Variants in TMEM132B observed in about 807,000 individuals in gnomAD.
The protein encoded by TMEM132B is transmembrane protein 132B.
Under a neutral mutation model 90.8 loss-of-function variants are expected in TMEM132B, and 18 were observed. The ratio of observed to expected loss-of-function variants is 0.20; its 90% CI spans 0.14 to 0.29. The LOEUF (loss-of-function observed/expected upper bound fraction) is 0.29, where lower values mean the gene tolerates loss of function less well. Ranked by LOEUF, TMEM132B falls within the 10% of genes least tolerant of loss-of-function variation. TMEM132B has a pLI of 1.00. For missense variants in TMEM132B, 1,096 were observed against 1,326.8 expected (o/e 0.83, Z 2.70); for synonymous variants, 504 against 523.3 (o/e 0.96, Z 0.50).
intron 3 of TMEM132B, among the ~76,000 whole-genome samples, chr12:125,505,012 T>A (rs895123923): frequency 6.6e-6 from 1 of 151,882 alleles, no homozygotes; most frequent in African/African-American, 2.4e-5. Flanking sequence ...TCAGCTTAAC[T>A]CCCTATTTAA....
intron 5 of TMEM132B, among the ~76,000 whole-genome samples, chr12:125,642,939 T>G (rs1485854864): frequency 6.6e-6 from 1 of 152,186 alleles, no homozygotes; most frequent in Non-Finnish European, 1.5e-5. Flanking sequence ...TAGTGCCATT[T>G]TTTTTTGGCG....
intron 5 of TMEM132B, among the ~76,000 whole-genome samples, chr12:125,627,415 GATGAATCCTTTTT>G (rs1265064553): frequency 1.3e-5 from 2 of 152,030 alleles, no homozygotes; most frequent in Non-Finnish European, 2.9e-5. Flanking sequence ...AAGATACTGA[GATGAATCCTTTTT>G]ATGATTAGAG....
chr12:125,380,197 C>T (rs972116198), intron 2 of TMEM132B, among the ~76,000 whole-genome samples: 2 of 151,990 alleles, frequency 1.3e-5, no homozygotes, highest in African/African-American at 4.8e-5. Context: ...AGAATATGTC[C>T]CCGTGGTTCT....
At chr12:125,518,474 C>A (rs933481719) in intron 3 of TMEM132B, among the ~76,000 whole-genome samples, 4 of 152,124 alleles carry the variant, frequency 2.6e-5, no homozygotes, top group Non-Finnish European at 4.4e-5. Flanking sequence ...GGGGAGCTTG[C>A]GGATCAGCTG....
At chr12:125,390,685 G>A (rs1380008431) in intron 2 of TMEM132B, among the ~76,000 whole-genome samples, 1 of 152,202 alleles carries the variant, frequency 6.6e-6, no homozygotes, top group African/African-American at 2.4e-5. Context: ...TGCTCAAGTA[G>A]CATCTAAGGA....
chr12:125,640,776 T>C (rs1886610198), intron 5 of TMEM132B, among the ~76,000 whole-genome samples: 3 of 152,158 alleles, frequency 2.0e-5, no homozygotes, highest in Admixed American at 2.0e-4. Flanking sequence ...CCTCGTGGCA[T>C]TACCGTGGGA....
rs549073651 is a variant in TMEM132B at position 125,490,477 on chromosome 12, T to A, written c.1107-28962T>A. Among the ~76,000 whole-genome samples, 2 of 152,214 alleles carry A rather than the reference T, an allele frequency of 1.3e-5. No individual in the cohort carries two copies. Among genetic ancestry groups the A allele is most frequent in the South Asian group, 4.1e-4 (2 of 4,828 alleles). ...TATTTTATTTTATTTATTTATTTAT[T>A]TTTTGAGACAGAGCCTTGCTCTGTC... On this transcript the variant is annotated intron_variant, in intron 3 of 8. Coordinates refer to ENST00000682704, the MANE Select transcript of TMEM132B (RefSeq NM_001366854.1). The surrounding 1 kb of genome is among the most constrained non-coding windows in gnomAD (Gnocchi z 4.2).
In TMEM132B at chr12:125,246,225, A is replaced by G. The variant is rs2136098033; in HGVS notation, c.67+59359A>G. On this transcript the variant is annotated intron_variant, in intron 1 of 8. Transcript: ENST00000682704. This position sits in a 1 kb window ranked among gnomAD's most constrained non-coding sequence, Gnocchi z 4.2. ...TGCCGAGGAGAATGTCAAGCCTGTT[A>G]GATCATAAAAACCAGCATTGCTGTC... Among the ~76,000 whole-genome samples the G allele has an allele frequency of 6.6e-6, 1 of 152,336 alleles. No individual in the cohort carries two copies. Among genetic ancestry groups the G allele is most frequent in the East Asian group, 1.9e-4 (1 of 5,182 alleles).
At chr12:125,526,387 C>T (rs1311844487) in intron 4 of TMEM132B, among the ~76,000 whole-genome samples, 1 of 152,222 alleles carries the variant, frequency 6.6e-6, no homozygotes, top group Admixed American at 6.5e-5. Context: ...CTTATTCCTA[C>T]AGGCCCCAGT....
intron 6 of TMEM132B, among the ~76,000 whole-genome samples, chr12:125,645,834 G>A (rs965372719): frequency 6.6e-6 from 1 of 152,208 alleles, no homozygotes; most frequent in Non-Finnish European, 1.5e-5. Context: ...CTAATACAGA[G>A]CCTGTTGCCC....
At chr12:125,305,390 T>C (rs1459056159) in intron 1 of TMEM132B, among the ~76,000 whole-genome samples, 2 of 151,514 alleles carry the variant, frequency 1.3e-5, no homozygotes, top group South Asian at 2.1e-4. Flanking sequence ...CCAATTTTAA[T>C]GGCTTATCAG....
chr12:125,463,046 C>T (rs1409195159), intron 3 of TMEM132B, among the ~76,000 whole-genome samples: 2 of 152,074 alleles, frequency 1.3e-5, no homozygotes, highest in African/African-American at 4.8e-5. Flanking sequence ...CCAAATGTTC[C>T]AATTGTGTGA....
chr12:125,506,648 C>T (rs1161588445), intron 3 of TMEM132B, among the ~76,000 whole-genome samples: 2 of 152,104 alleles, frequency 1.3e-5, no homozygotes, highest in Non-Finnish European at 2.9e-5. Context: ...AATACTTTAT[C>T]AAAATACTTT....
At chr12:125,287,972 A>G (rs1410085710) in intron 1 of TMEM132B, among the ~76,000 whole-genome samples, 1 of 151,882 alleles carries the variant, frequency 6.6e-6, no homozygotes, top group African/African-American at 2.4e-5. Flanking sequence ...GGTTCAAGCG[A>G]TTCTCCTGCT....
chr12:125,412,932 A>G (rs1459181665), intron 2 of TMEM132B, among the ~76,000 whole-genome samples: 1 of 152,104 alleles, frequency 6.6e-6, no homozygotes, highest in Non-Finnish European at 1.5e-5. Flanking sequence ...AAGAATGATC[A>G]AGTCAAGGCA....
intron 1 of TMEM132B, among the ~76,000 whole-genome samples, chr12:125,316,061 G>A (rs1157690390): frequency 1.3e-5 from 2 of 152,152 alleles, no homozygotes; most frequent in East Asian, 3.9e-4. Flanking sequence ...TTCCCTGAAT[G>A]TTCTCTCCAA....
At chr12:125,363,325 T>G (rs1248746308) in intron 2 of TMEM132B, among the ~76,000 whole-genome samples, 1 of 152,212 alleles carries the variant, frequency 6.6e-6, no homozygotes, top group African/African-American at 2.4e-5. Flanking sequence ...TCATGAGACC[T>G]TCTGAAGCCC....
intron 3 of TMEM132B, among the ~76,000 whole-genome samples, chr12:125,477,541 C>G (rs1360910311): frequency 6.6e-6 from 1 of 151,130 alleles, no homozygotes; most frequent in Non-Finnish European, 1.5e-5. Flanking sequence ...TTTTTTTTTC[C>G]TACTCTGTGG....
At chr12:125,516,851 T>A (rs1410666197) in intron 3 of TMEM132B, among the ~76,000 whole-genome samples, 1 of 152,164 alleles carries the variant, frequency 6.6e-6, no homozygotes, top group Non-Finnish European at 1.5e-5. Context: ...AAAGAGAAAT[T>A]GAAAATTTGG....
Sources: gnomAD v4.1 joint callset for allele counts (sites outside exome capture counted in the v4.1 genomes callset) on GRCh38, gnomAD v4.1.1 for gene constraint, Gnocchi (gnomAD v3.1) non-coding constraint, MANE v1.5 for transcripts, NCBI Gene and HGNC (gene_info 2026-07-23, HGNC 2026-07-21) for gene names.